CRACD: variants seen among roughly 807,000 people sequenced by gnomAD.
The protein encoded by CRACD is capping protein inhibiting regulator of actin dynamics, also known as capping protein-inhibiting regulator of actin dynamics.
A neutral mutation model predicts 106.8 loss-of-function variants in CRACD; 56 were observed. That is an observed-to-expected ratio of 0.52 (90% CI 0.42 to 0.66). The LOEUF is 0.66. CRACD is among the 30% of genes least tolerant of loss of function. The probability of loss-of-function intolerance (pLI) is 0.00; values close to 1 mark genes in which losing one functional copy is unlikely to be tolerated. For missense variants in CRACD, 1,730 were observed against 1,623.2 expected, an observed-to-expected ratio of 1.07 and a Z score of -1.13; for synonymous variants, 754 against 670.8, an observed-to-expected ratio of 1.12 and a Z score of -1.92.
intron 1 of CRACD, among the ~76,000 whole-genome samples, chr4:56,148,300 T>A (rs114156142): frequency 0.038 from 5,770 of 151,958 alleles, 137 homozygotes; most frequent in Non-Finnish European, 0.056. Context: ...AAAAAATTTA[T>A]TTTTTCAGAG....
intron 1 of CRACD, among the ~76,000 whole-genome samples, chr4:56,176,681 T>C (rs7666698): frequency 0.82 from 124,223 of 151,668 alleles, 51,497 homozygotes; most frequent in African/African-American, 0.95. Flanking sequence ...GTGATCCACC[T>C]GCCTTGGCCT....
intron 1 of CRACD, among the ~76,000 whole-genome samples, chr4:56,135,626 AAGAC>A (rs1734975877): frequency 6.6e-6 from 1 of 152,230 alleles, no homozygotes; most frequent in African/African-American, 2.4e-5. Context: ...CCAGACTACA[AAGAC>A]AGACGTCTCA....
intron 2 of CRACD, among the ~76,000 whole-genome samples, chr4:56,200,950 T>C (rs1273952095): frequency 6.6e-6 from 1 of 152,198 alleles, no homozygotes; most frequent in Non-Finnish European, 1.5e-5. Flanking sequence ...AATTTACTTT[T>C]AAAAAATGAA....
At chr4:56,107,147 A>C (rs1175718490) in intron 1 of CRACD, among the ~76,000 whole-genome samples, 2 of 149,034 alleles carry the variant, frequency 1.3e-5, no homozygotes, top group Non-Finnish European at 3.0e-5. Flanking sequence ...TAATCTAAAA[A>C]CATTGGGTTT....
intron 3 of CRACD, among the ~76,000 whole-genome samples, chr4:56,276,697 AG>A (rs1742693579): frequency 6.6e-6 from 1 of 152,192 alleles, no homozygotes; most frequent in South Asian, 2.1e-4. Flanking sequence ...GTGCCTCTCA[AG>A]GAGGCTGCAG....
intron 2 of CRACD, chr4:56,216,294 T>G (rs1380744114): frequency 6.6e-6 from 1 of 152,238 alleles, no homozygotes; most frequent in Non-Finnish European, 1.5e-5. Context: ...TGGAGTGGGT[T>G]TTTTGTTCTT....
intron 1 of CRACD, among the ~76,000 whole-genome samples, chr4:56,168,421 C>T (rs1416538690): frequency 6.6e-6 from 1 of 151,764 alleles, no homozygotes; most frequent in Non-Finnish European, 1.5e-5. Flanking sequence ...ATCCTTTTAC[C>T]ATATTGCAGA....
At chr4:56,146,563 TC>T (rs5858365) in intron 1 of CRACD, among the ~76,000 whole-genome samples, 103,810 of 134,310 alleles carry the variant, frequency 0.77, 39,036 homozygotes, top group African/African-American at 0.88. Context: ...ATGCTATCCC[TC>T]CCCCCTCCCC....
intron 2 of CRACD, among the ~76,000 whole-genome samples, chr4:56,201,639 G>A (rs929675013): frequency 1.3e-5 from 2 of 152,138 alleles, no homozygotes; most frequent in Non-Finnish European, 1.5e-5. Context: ...AAAGATGCTT[G>A]GGGGATGTAG....
At chr4:56,284,788 T>G (rs987211957) in intron 3 of CRACD, among the ~76,000 whole-genome samples, 2 of 152,138 alleles carry the variant, frequency 1.3e-5, no homozygotes, top group African/African-American at 4.8e-5. Context: ...CAAAGCACTT[T>G]TATTTTCTCT....
chr4:56,323,618 C>G, intron 9 of CRACD, 51 bp downstream of exon 9: 1 of 1,452,916 alleles, frequency 6.9e-7, no homozygotes, highest in Non-Finnish European at 9.1e-7. Context: ...GCTTGGTTCT[C>G]TTTTCAGTCA....
At chr4:56,053,989 G>A (rs1210261648) in intron 1 of CRACD, among the ~76,000 whole-genome samples, 2 of 152,148 alleles carry the variant, frequency 1.3e-5, no homozygotes, top group Admixed American at 1.3e-4. Context: ...ATTGTGTAAA[G>A]TTGCAGCAAG....
chr4:56,100,109 G>A (rs1733730644), intron 1 of CRACD, among the ~76,000 whole-genome samples: 1 of 152,118 alleles, frequency 6.6e-6, no homozygotes, highest in African/African-American at 2.4e-5. Flanking sequence ...CAGGCATGGT[G>A]TCAGGCATCT....
At chr4:56,301,097 C>T (rs193096314) in intron 4 of CRACD, 3 of 526,596 alleles carry the variant, frequency 5.7e-6, no homozygotes, top group Admixed American at 3.6e-5. Flanking sequence ...CTTTTGAAAA[C>T]ATAAAAGGCT....
At chr4:56,197,816 T>C (rs1340309564) in intron 2 of CRACD, among the ~76,000 whole-genome samples, 1 of 152,090 alleles carries the variant, frequency 6.6e-6, no homozygotes, top group Non-Finnish European at 1.5e-5. Context: ...TAGCTGGGAC[T>C]ATAGGCACCC....
In CRACD at chr4:56,279,931, G is replaced by C. The variant is rs921412419; in HGVS notation, c.-17+7439G>C. On this transcript the variant is annotated intron_variant, in intron 3 of 10. Coordinates refer to ENST00000682029, the MANE Select transcript of CRACD (RefSeq NM_001393381.1). ...ATGATAGACTGGATTAAGAAAATGTGGCACATATACACCATGGAATACTAT... is the reference window on the plus strand; with the variant it reads ...ATGATAGACTGGATTAAGAAAATGTCGCACATATACACCATGGAATACTAT... 3.3e-5 allele frequency among the ~76,000 whole-genome samples: 5 copies of C among 151,786 alleles called. 1 individual carries two copies. The highest frequency in any genetic ancestry group is 5.9e-5 in the Non-Finnish European group (4 of 67,960).
chr4:56,056,398 T>A (rs998896096), intron 1 of CRACD, among the ~76,000 whole-genome samples: 9 of 152,120 alleles, frequency 5.9e-5, no homozygotes, highest in Non-Finnish European at 1.2e-4. Flanking sequence ...ATATCAGAGA[T>A]CATCTAGGCC....
At chr4:56,106,147 A>G (rs980527974) in intron 1 of CRACD, among the ~76,000 whole-genome samples, 3 of 142,772 alleles carry the variant, frequency 2.1e-5, no homozygotes, top group African/African-American at 8.3e-5. Flanking sequence ...GTTCCCATTC[A>G]GGGGCCTGGA....
intron 1 of CRACD, among the ~76,000 whole-genome samples, chr4:56,170,480 A>T (rs552982145): frequency 4.8e-4 from 73 of 152,292 alleles, no homozygotes; most frequent in Non-Finnish European, 9.3e-4. Context: ...TATTGGGTAT[A>T]GCAAATCTTG....
Sources: allele counts gnomAD v4.1 joint callset (sites outside exome capture counted in the v4.1 genomes callset), GRCh38; gene constraint gnomAD v4.1.1; transcripts MANE v1.5; gene names NCBI Gene and HGNC (gene_info 2026-07-23, HGNC 2026-07-21).